Variants in NOVA1 observed in about 807,000 individuals in gnomAD.
NOVA1 encodes RNA-binding protein Nova-1.
In NOVA1, 7 loss-of-function variants were observed where a neutral mutation model predicts 38.0. The ratio of observed to expected loss-of-function variants is 0.18; its 90% confidence interval spans 0.10 to 0.35. The LOEUF (loss-of-function observed/expected upper bound fraction) is 0.35, where lower values mean the gene tolerates loss of function less well. Ranked by LOEUF, NOVA1 falls within the 10% of genes least tolerant of loss-of-function variation. The pLI is 1.00. For synonymous variants in NOVA1, 270 were observed against 232.5 expected (o/e 1.16, Z -1.47); for missense variants, 460 against 616.0 (o/e 0.75, Z 2.68).
At position 26,448,180 on chromosome 14, in the gene NOVA1, C is replaced by T. The variant is rs1279454493; in HGVS notation, c.1303G>A (p.Ala435Thr). ...GTTTTCCCTCCTTTGCCAAGTATTG[C>T]ACCAACTAAGTTTTCTGGCACTGCT... Reference protein sequence around the residue: ...EIAVPENLVGAILGKGGKTLV... With the variant: ...EIAVPENLVGTILGKGGKTLV... The change falls in exon 5 of 5, where the codon GCA (alanine) becomes ACA (threonine). Residue 435 changes from alanine to threonine, a missense_variant. Coordinates refer to ENST00000539517, the MANE Select transcript of NOVA1 (RefSeq NM_002515.3). This position sits in a 1 kb window ranked among gnomAD's most constrained non-coding sequence, Gnocchi z 5.3. 1 of 1,614,228 alleles carries T rather than the reference C, an allele frequency of 6.2e-7. No individual in the cohort carries two copies. The highest frequency in any genetic ancestry group is 8.5e-7 in the Non-Finnish European group (1 of 1,180,042).
chr14:26,461,657 G>T (rs961318518), intron 4 of NOVA1, among the ~76,000 whole-genome samples: 1 of 151,758 alleles, frequency 6.6e-6, no homozygotes, highest in African/African-American at 2.4e-5. Flanking sequence ...GGCTGGGCTT[G>T]GTGGCTCATG....
At chr14:26,543,111 C>T (rs1292263698) in intron 2 of NOVA1, among the ~76,000 whole-genome samples, 1 of 151,892 alleles carries the variant, frequency 6.6e-6, no homozygotes, top group Non-Finnish European at 1.5e-5. Flanking sequence ...CTGATTTGAT[C>T]GTTACGCATT....
rs576509544 is a variant in NOVA1 at position 26,511,916 on chromosome 14, T to A, written c.281-31773A>T. Among the ~76,000 whole-genome samples the A allele has an allele frequency of 1.3e-3, 197 of 152,250 alleles. 1 individual carries two copies. The highest frequency in any genetic ancestry group is 4.5e-3 in the African/African-American group (188 of 41,544). On this transcript the variant is annotated intron_variant, in intron 2 of 4. Transcript: ENST00000539517. ...ACCGAAATATCATTAAACAAAAGTG[T>A]TTATTGACCCTCTGAACATTTAGTA...
intron 4 of NOVA1, among the ~76,000 whole-genome samples, chr14:26,466,066 T>C (rs1272786711): frequency 6.6e-6 from 1 of 151,988 alleles, no homozygotes; most frequent in South Asian, 2.1e-4. Flanking sequence ...TAGAAAGCGA[T>C]GAAGATGTTA....
intron 2 of NOVA1, among the ~76,000 whole-genome samples, chr14:26,559,295 G>A (rs1271124073): frequency 2.0e-5 from 3 of 152,050 alleles, no homozygotes; most frequent in Admixed American, 1.3e-4. Context: ...GTCCGTTTGG[G>A]AATCCAACAA....
intron 3 of NOVA1, chr14:26,479,455 A>C (rs1315479044): frequency 6.6e-6 from 1 of 152,354 alleles, no homozygotes; most frequent in African/African-American, 2.4e-5. Context: ...TACACAAAAC[A>C]CAGTAACTGA....
intron 4 of NOVA1, among the ~76,000 whole-genome samples, chr14:26,456,581 T>C (rs1038722209): frequency 9.9e-5 from 15 of 151,922 alleles, no homozygotes; most frequent in Admixed American, 9.8e-4. Flanking sequence ...AAACCAAATA[T>C]AAATCAGGGA....
chr14:26,587,767 A>T (rs1302799844), intron 2 of NOVA1, among the ~76,000 whole-genome samples: 1 of 151,210 alleles, frequency 6.6e-6, no homozygotes, highest in Non-Finnish European at 1.5e-5. Context: ...GCAACATAAA[A>T]AGAAAACAAA....
intron 2 of NOVA1, among the ~76,000 whole-genome samples, chr14:26,575,111 T>A (rs1892754920): frequency 6.6e-6 from 1 of 152,232 alleles, no homozygotes; most frequent in Admixed American, 6.5e-5. Context: ...TAACTGCAGA[T>A]TTAGACAGTC....
intron 2 of NOVA1, among the ~76,000 whole-genome samples, chr14:26,570,173 C>T (rs972911398): frequency 6.6e-6 from 1 of 151,846 alleles, no homozygotes; most frequent in African/African-American, 2.4e-5. Context: ...ATGGTGAAAC[C>T]CTGTCTCTAC....
chr14:26,466,984 C>G (rs1312289465), intron 4 of NOVA1, among the ~76,000 whole-genome samples: 1 of 152,148 alleles, frequency 6.6e-6, no homozygotes, highest in East Asian at 1.9e-4. Flanking sequence ...TATTCTGTTA[C>G]AGCAGCACAA....
chr14:26,486,616 G>C (rs1039573701), intron 2 of NOVA1, among the ~76,000 whole-genome samples: 7 of 136,516 alleles, frequency 5.1e-5, no homozygotes, highest in African/African-American at 1.8e-4. Context: ...GGCTGAGGCA[G>C]GAGAATGGCA....
chr14:26,455,482 T>G (rs1883089145), intron 4 of NOVA1, among the ~76,000 whole-genome samples: 2 of 152,054 alleles, frequency 1.3e-5, no homozygotes, highest in Non-Finnish European at 2.9e-5. Flanking sequence ...TAAGGAGTCT[T>G]TATTTTAGCA....
chr14:26,473,978 T>A (rs1428116107), intron 3 of NOVA1, among the ~76,000 whole-genome samples: 1 of 152,064 alleles, frequency 6.6e-6, no homozygotes, highest in Non-Finnish European at 1.5e-5. Context: ...TAATATTTTA[T>A]TTTCCATGCA....
chr14:26,480,588 T>C (rs180845644), intron 2 of NOVA1, among the ~76,000 whole-genome samples: 2 of 151,814 alleles, frequency 1.3e-5, no homozygotes, highest in East Asian at 2.0e-4. Context: ...GGTAACAACA[T>C]AGATGGTACA....
intron 3 of NOVA1, among the ~76,000 whole-genome samples, chr14:26,476,819 C>A (rs573917701): frequency 6.8e-5 from 10 of 147,908 alleles, no homozygotes; most frequent in African/African-American, 2.6e-4. Flanking sequence ...AGGGTTCAAG[C>A]GATTCTCCTG....
At chr14:26,478,475 C>T (rs1885169144) in intron 3 of NOVA1, among the ~76,000 whole-genome samples, 1 of 151,868 alleles carries the variant, frequency 6.6e-6, no homozygotes, top group Non-Finnish European at 1.5e-5. Context: ...TGGATTAAGG[C>T]AGAAAGCCAA....
chr14:26,479,022 C>T (rs992775930), intron 3 of NOVA1: 5 of 151,620 alleles, frequency 3.3e-5, no homozygotes, highest in Admixed American at 1.3e-4. Context: ...CAGTATAATA[C>T]TTTTTAAATT....
At chr14:26,579,524 A>C (rs894662061) in intron 2 of NOVA1, among the ~76,000 whole-genome samples, 2 of 151,784 alleles carry the variant, frequency 1.3e-5, no homozygotes, top group African/African-American at 4.8e-5. Context: ...AATCATACTT[A>C]CAGTTAGTTG....
Sources: allele counts gnomAD v4.1 joint callset (sites outside exome capture counted in the v4.1 genomes callset), GRCh38; gene constraint gnomAD v4.1.1; non-coding constraint Gnocchi (gnomAD v3.1); transcripts MANE v1.5; gene names NCBI Gene and HGNC (gene_info 2026-07-23, HGNC 2026-07-21).